Variants in TSGA10 observed in about 807,000 individuals in gnomAD.
The protein encoded by TSGA10 is testis specific 10, also known as testis-specific gene 10 protein.
TSGA10 carries 43 observed loss-of-function variants against 96.6 expected under a neutral mutation model. The observed-to-expected ratio is 0.44, with a 90% confidence interval of 0.35 to 0.57. TSGA10 has a LOEUF of 0.57. Among genes scored for constraint, TSGA10 ranks in the 20% least tolerant of loss-of-function variants. The pLI is 0.01. For synonymous variants in TSGA10, 229 were observed against 269.9 expected, an observed-to-expected ratio of 0.85 and a Z score of 1.48; for missense variants, 703 against 834.4, an observed-to-expected ratio of 0.84 and a Z score of 1.94.
chr2:99,078,495 A>G (rs189236555), intron 12 of TSGA10, among the ~76,000 whole-genome samples, 164 bp downstream of exon 12: 15 of 152,294 alleles, frequency 9.8e-5, no homozygotes, highest in Admixed American at 2.6e-4. Context: ...GCTTCCTAAG[A>G]CTATCTTAAA....
intron 1 of TSGA10, chr2:99,142,432 T>C (rs2093577608): frequency 6.6e-6 from 1 of 152,216 alleles, no homozygotes; most frequent in Non-Finnish European, 1.5e-5. Flanking sequence ...CCACAAGATA[T>C]CATTGGCAGG....
intron 10 of TSGA10, among the ~76,000 whole-genome samples, chr2:99,086,969 C>T (rs1375128589): frequency 6.6e-6 from 1 of 151,678 alleles, no homozygotes; most frequent in Non-Finnish European, 1.5e-5. Context: ...CTTTGGGAGG[C>T]CAAGGAGGGC....
At chr2:99,049,393 T>C (rs1259158608) in intron 16 of TSGA10, among the ~76,000 whole-genome samples, 1 of 152,176 alleles carries the variant, frequency 6.6e-6, no homozygotes, top group Non-Finnish European at 1.5e-5. Context: ...TGGAATACTA[T>C]GCAGCCATAA....
chr2:99,104,227 A>T, intron 9 of TSGA10, 109 bp from the exon 10 acceptor site: 1 of 1,286,098 alleles, frequency 7.8e-7, no homozygotes, highest in Admixed American at 2.1e-5. Context: ...GACTGACAGG[A>T]TGAGATTATC....
At chr2:99,099,777 T>C (rs1461055853) in intron 10 of TSGA10, among the ~76,000 whole-genome samples, 1 of 152,120 alleles carries the variant, frequency 6.6e-6, no homozygotes, top group Non-Finnish European at 1.5e-5. Context: ...AGGAAAAGAA[T>C]ACTTGCAGAT....
intron 2 of TSGA10, among the ~76,000 whole-genome samples, chr2:99,121,306 TCTC>T: frequency 6.6e-6 from 1 of 152,228 alleles, no homozygotes; most frequent in South Asian, 2.1e-4. Flanking sequence ...TGATCCAGTT[TCTC>T]CTCATCCTTG....
intron 17 of TSGA10, among the ~76,000 whole-genome samples, chr2:99,022,334 A>C (rs887098702): frequency 1.3e-5 from 2 of 150,358 alleles, no homozygotes; most frequent in African/African-American, 2.4e-5. Flanking sequence ...CAAAAAAAAA[A>C]AAAAAAAAAA....
intron 17 of TSGA10, among the ~76,000 whole-genome samples, chr2:99,032,346 A>G (rs2081212035): frequency 6.6e-6 from 1 of 152,240 alleles, no homozygotes; most frequent in South Asian, 2.1e-4. Flanking sequence ...ATCTAAGACT[A>G]TCAACAAAAG....
At position 99,148,900 on chromosome 2, in the gene TSGA10, A is replaced by G. The variant is rs568896873; in HGVS notation, c.-621+5793T>C. Among the ~76,000 whole-genome samples the G allele has an allele frequency of 5.3e-5, 8 of 152,350 alleles. No homozygotes were observed. The East Asian group carries it at 1.3e-3, about 26-fold the overall frequency. On this transcript the variant is annotated intron_variant, in intron 1 of 20. Coordinates refer to ENST00000393483, the MANE Select transcript of TSGA10 (RefSeq NM_025244.4). Reference sequence around the variant, plus strand: ...TTTGCACAAAAATGTAAATGTACTCAATGTCATTGAATTGTACACTTAAAA... The same window carrying G: ...TTTGCACAAAAATGTAAATGTACTCGATGTCATTGAATTGTACACTTAAAA...
At chr2:99,134,139 T>C (rs2105049601) in intron 1 of TSGA10, among the ~76,000 whole-genome samples, 1 of 152,308 alleles carries the variant, frequency 6.6e-6, no homozygotes, top group Non-Finnish European at 1.5e-5. Flanking sequence ...CTGCCTTGCT[T>C]GGTTGGGGAA....
intron 10 of TSGA10, among the ~76,000 whole-genome samples, chr2:99,097,671 T>C (rs1420259983): frequency 6.6e-6 from 1 of 152,102 alleles, no homozygotes; most frequent in African/African-American, 2.4e-5. Context: ...AATCATACAA[T>C]TGATAATAAC....
chr2:99,065,144 T>C lies in TSGA10; in HGVS notation c.1219-20A>G. 6.2e-7 allele frequency: 1 copy of C among 1,606,778 alleles called. No homozygotes were observed. The highest frequency in any genetic ancestry group is 8.5e-7 in the Non-Finnish European group (1 of 1,177,682). ...AGATTCCTGAAAAGCAAACTTTAGCTATTACTTTAAAATGCTGAACATATG... is the reference window on the plus strand; with the variant it reads ...AGATTCCTGAAAAGCAAACTTTAGCCATTACTTTAAAATGCTGAACATATG... On this transcript the variant is annotated intron_variant, in intron 15 of 20. Coordinates refer to ENST00000393483, the MANE Select transcript of TSGA10 (RefSeq NM_025244.4).
chr2:99,051,592 G>A (rs2083397382), intron 16 of TSGA10, among the ~76,000 whole-genome samples: 1 of 152,000 alleles, frequency 6.6e-6, no homozygotes, highest in African/African-American at 2.4e-5. Flanking sequence ...AAGATAACAG[G>A]TAAATAGAAG....
chr2:99,051,072 A>G (rs1240373968), intron 16 of TSGA10, among the ~76,000 whole-genome samples: 2 of 152,196 alleles, frequency 1.3e-5, no homozygotes, highest in African/African-American at 4.8e-5. Context: ...AGTACACTCT[A>G]TGATGTTCAC....
At chr2:99,126,842 T>G in intron 2 of TSGA10, 1 of 304,018 alleles carries the variant, frequency 3.3e-6, no homozygotes, top group South Asian at 3.9e-5. Context: ...CCTGAAAACA[T>G]CTGACACAAC....
intron 1 of TSGA10, among the ~76,000 whole-genome samples, chr2:99,149,169 C>CAA (rs35343264): frequency 1.2e-3 from 153 of 123,188 alleles, no homozygotes; most frequent in South Asian, 2.6e-3. Flanking sequence ...AACTCCATCT[C>CAA]AAAAAAAAAA....
rs1471180440 is a variant in TSGA10 at position 99,006,417 on chromosome 2, A to G, written c.2073-8196T>C. On this transcript the variant is annotated intron_variant, in intron 20 of 20. Coordinates refer to ENST00000393483, the MANE Select transcript of TSGA10 (RefSeq NM_025244.4). The stretch of plus-strand genomic sequence containing the variant: ...CATCTGACAAAGGGCTAATATCCAG[A>G]ATCTACAATGAACTCAAACGAATTT... 2.0e-5 allele frequency among the ~76,000 whole-genome samples: 3 copies of G among 152,348 alleles called. No individual in the cohort carries two copies. The South Asian group carries it at 6.2e-4, about 32-fold the overall frequency.
At chr2:99,017,087 A>T (rs1419999102) in intron 20 of TSGA10, among the ~76,000 whole-genome samples, 1 of 152,202 alleles carries the variant, frequency 6.6e-6, no homozygotes, top group African/African-American at 2.4e-5. Context: ...ACTAAGGAAA[A>T]CAGTACAGAG....
At chr2:99,014,120 A>G (rs1426294287) in intron 20 of TSGA10, among the ~76,000 whole-genome samples, 1 of 152,208 alleles carries the variant, frequency 6.6e-6, no homozygotes, top group Middle Eastern at 3.4e-3. Context: ...GTGCCATTGC[A>G]CTCCAGCCTG....
Sources: gnomAD v4.1 joint callset for allele counts (sites outside exome capture counted in the v4.1 genomes callset) on GRCh38, gnomAD v4.1.1 for gene constraint, MANE v1.5 for transcripts, NCBI Gene and HGNC (gene_info 2026-07-23, HGNC 2026-07-21) for gene names.